The following NID2 variants were observed in gnomAD, a reference collection of about 807,000 sequenced individuals.
NID2 encodes nidogen-2.
Under a neutral mutation model 145.4 loss-of-function variants are expected in NID2, and 83 were observed. The ratio of observed to expected loss-of-function variants is 0.57; its 90% CI spans 0.48 to 0.69. The LOEUF is 0.69. Among genes scored for constraint, NID2 ranks in the 30% least tolerant of loss-of-function variants. The pLI, the probability that NID2 is intolerant of heterozygous loss-of-function variation, is 0.00. For missense variants in NID2, 1,807 were observed against 1,765.7 expected (o/e 1.02, Z -0.42); for synonymous variants, 739 against 701.3 (o/e 1.05, Z -0.85).
intron 14 of NID2, among the ~76,000 whole-genome samples, chr14:52,016,394 A>G (rs758841155): frequency 2.0e-5 from 3 of 152,180 alleles, no homozygotes; most frequent in Non-Finnish European, 4.4e-5. Context: ...AGAAACTAAT[A>G]GAAACTGAGC....
chr14:52,053,374 A>T (rs1892739803), intron 5 of NID2, among the ~76,000 whole-genome samples: 1 of 152,250 alleles, frequency 6.6e-6, no homozygotes, highest in Admixed American at 6.5e-5. Context: ...TTAATGATCA[A>T]GAGATTCCGA....
chr14:52,064,636 G>A (rs1338891367), intron 2 of NID2, among the ~76,000 whole-genome samples: 1 of 152,164 alleles, frequency 6.6e-6, no homozygotes, highest in East Asian at 1.9e-4. Flanking sequence ...TTTCAGAGGG[G>A]ACAAATATTC....
At chr14:52,015,711 A>G (rs1324226826) in intron 14 of NID2, among the ~76,000 whole-genome samples, 1 of 152,178 alleles carries the variant, frequency 6.6e-6, no homozygotes, top group African/African-American at 2.4e-5. Context: ...TGATGCTTAA[A>G]GCCAATTTGT....
intron 9 of NID2, among the ~76,000 whole-genome samples, chr14:52,031,983 T>C (rs138768440): frequency 1.4e-3 from 217 of 152,324 alleles, no homozygotes; most frequent in Middle Eastern, 0.014. Flanking sequence ...TCCCAAGTGC[T>C]GACTGCTGCA....
intron 9 of NID2, among the ~76,000 whole-genome samples, chr14:52,034,046 G>A (rs1891971086): frequency 6.6e-6 from 1 of 152,182 alleles, no homozygotes; most frequent in African/African-American, 2.4e-5. Context: ...AGAGGTCATT[G>A]TGGGGATTAA....
chr14:52,018,069 G>T (rs374865324), intron 14 of NID2, among the ~76,000 whole-genome samples: 3 of 152,032 alleles, frequency 2.0e-5, no homozygotes, highest in Non-Finnish European at 4.4e-5. Flanking sequence ...CACCCGCCTC[G>T]GCCTCCCAAA....
Position 52,005,796 on chromosome 14 carries a change from A to AGAT in NID2, c.4055_4057dup (p.Tyr1352_Leu1353insHis), listed in dbSNP as rs1331645801. 6.2e-7 allele frequency: 1 copy of AGAT among 1,613,802 alleles called. No individual in the cohort carries two copies. Among genetic ancestry groups the AGAT allele is most frequent in the African/African-American group, 1.3e-5 (1 of 74,912 alleles). On this transcript the variant is annotated inframe_insertion, in exon 21 of 22. Coordinates refer to ENST00000216286, the MANE Select transcript of NID2 (RefSeq NM_007361.4). ...GTAGAGGTGAGATCGTTGTTCTGGG[A>AGAT]GATACTCATCAGTAAACTGGCCACT...
intron 15 of NID2, 78 bp downstream of exon 15, chr14:52,014,976 C>G: frequency 8.4e-7 from 1 of 1,195,878 alleles, no homozygotes. Flanking sequence ...CATGTCCCCC[C>G]ACTTCACCAC....
chr14:52,029,728 TA>T (rs779498856), intron 9 of NID2, 38 bp from the exon 10 acceptor site: 22 of 1,588,912 alleles, frequency 1.4e-5, no homozygotes, highest in Non-Finnish European at 1.7e-5. Context: ...ACAATCTGGC[TA>T]TTGGTAAGCA....
chr14:52,064,678 C>T (rs531659794), intron 2 of NID2, among the ~76,000 whole-genome samples: 1 of 152,368 alleles, frequency 6.6e-6, no homozygotes, highest in East Asian at 1.9e-4. Flanking sequence ...ACTCATCTGT[C>T]TTATGTTACT....
rs1043773311 is a variant in NID2 at position 52,014,289 on chromosome 14, G to A, written c.3418C>T (p.His1140Tyr). Residue 1140 changes from histidine (H) to tyrosine (Y), a missense_variant and splice_region_variant, in exon 16 of 22, where the codon CAT (histidine) becomes TAT (tyrosine). By Grantham distance (83) the His-to-Tyr change is moderately conservative. Transcript: ENST00000216286. ...KDAAKTLLSL[H>Y]GSIIVGIDYD... ...CCTACAGGAGAAATCCACTTTACAT[G>A]CAGAGACAGCAGGGTCTTAGCTGCA... 1.2e-6 allele frequency: 2 copies of A among 1,614,234 alleles called. No individual in the cohort carries two copies. Among genetic ancestry groups the A allele is most frequent in the South Asian group, 2.2e-5 (2 of 91,086 alleles).
rs182536578 is a variant in NID2, at chr14:52,062,680, C to A, written c.535-2324G>T. ...TCCTGGTTCTAAATTTAGAGAAATT[C>A]CATAAGATAAGGAGGTTGTAGAGAC... On this transcript the variant is annotated intron_variant, in intron 2 of 21. Coordinates refer to ENST00000216286, the MANE Select transcript of NID2 (RefSeq NM_007361.4). 9.9e-5 allele frequency among the ~76,000 whole-genome samples: 15 copies of A among 152,002 alleles called. No individual in the cohort carries two copies. In the East Asian group the frequency reaches 2.3e-3, roughly 23 times the overall value.
chr14:52,030,563 A>C (rs55647095), intron 9 of NID2, among the ~76,000 whole-genome samples: 1,256 of 50,036 alleles, frequency 0.025, 34 homozygotes, highest in East Asian at 0.044. Flanking sequence ...AAAGAAAGAA[A>C]GAAAGGAAGG....
At chr14:52,044,866 T>C (rs546613108) in intron 5 of NID2, among the ~76,000 whole-genome samples, 1 of 151,566 alleles carries the variant, frequency 6.6e-6, no homozygotes, top group African/African-American at 2.4e-5. Context: ...TCAAGTGATC[T>C]TCCCACCTAG....
intron 2 of NID2, among the ~76,000 whole-genome samples, chr14:52,064,716 G>A (rs2041883826): frequency 6.6e-6 from 1 of 152,126 alleles, no homozygotes; most frequent in Non-Finnish European, 1.5e-5. Context: ...CCATTTCTCT[G>A]GCCCCTTTGC....
chr14:52,041,982 G>T, intron 7 of NID2, 123 bp downstream of exon 7: 1 of 1,230,636 alleles, frequency 8.1e-7, no homozygotes, highest in Non-Finnish European at 1.1e-6. Context: ...CTACACACAT[G>T]TGGCTCTAGT....
chr14:52,053,627 C>G lies in NID2; in HGVS notation c.1381G>C (p.Gly461Arg). 6.2e-7 allele frequency: 1 copy of G among 1,614,252 alleles called. No homozygotes were observed. Among genetic ancestry groups the G allele is most frequent in the South Asian group, 1.1e-5 (1 of 91,084 alleles). The change falls in exon 5 of 22, where the codon GGG (glycine) becomes CGG (arginine). Residue 461 changes from glycine to arginine, a missense_variant. Physicochemically the swap from Gly to Arg is moderately radical, Grantham distance 125. Transcript: ENST00000216286. ...ASGHTTPLSR[G>R]TYEVGLEDNI... ...TCTTCCAGTCCCACCTCATACGTCC[C>G]TCGACTTAAGGGTGTAGTGTGACCT...
At chr14:52,024,596 T>C (rs929973248) in intron 12 of NID2, among the ~76,000 whole-genome samples, 13 of 152,298 alleles carry the variant, frequency 8.5e-5, no homozygotes, top group African/African-American at 3.1e-4. Context: ...ACCACTGATA[T>C]TAAATGTCTA....
At chr14:52,039,548 G>A (rs149783793) in intron 8 of NID2, among the ~76,000 whole-genome samples, 80 of 152,248 alleles carry the variant, frequency 5.3e-4, no homozygotes, top group African/African-American at 1.7e-3. Context: ...TCAGTGATCC[G>A]GACACTGACC....
Sources: allele counts gnomAD v4.1 joint callset (sites outside exome capture counted in the v4.1 genomes callset), GRCh38; gene constraint gnomAD v4.1.1; transcripts MANE v1.5; gene names NCBI Gene and HGNC (gene_info 2026-07-23, HGNC 2026-07-21).